The following GJB6 variants were observed in gnomAD, a reference collection of about 807,000 sequenced individuals.
GJB6 encodes gap junction beta-6 protein.
GJB6 carries 5 observed loss-of-function variants against 5.4 expected under a neutral mutation model. The observed-to-expected ratio is 0.92, with a 90% CI of 0.48 to 1.93. The LOEUF is 1.93. Among genes scored for constraint, GJB6 ranks in the 30% most tolerant of loss-of-function variants. The pLI is 0.01. For synonymous variants in GJB6, 136 were observed against 129.6 expected (o/e 1.05, Z -0.34); for missense variants, 298 against 326.9 (o/e 0.91, Z 0.68).
rs1196436746 is a variant in GJB6, at chr13:20,232,185, C to T, written c.-420+9G>A. The T allele has an allele frequency of 1.3e-5, 2 of 152,180 alleles. No homozygotes were observed. The highest frequency in any genetic ancestry group is 2.9e-5 in the Non-Finnish European group (2 of 67,992). 9.4% of individuals were successfully genotyped at this position (152,180 alleles called of 1,614,324 possible). A position where few individuals can be genotyped will look rare whatever the true frequency, so the allele number is the denominator to read the frequency against. On this transcript the variant is annotated intron_variant, in intron 1 of 4. Coordinates refer to ENST00000647029, the MANE Select transcript of GJB6 (RefSeq NM_001110219.3). ...CCCCGCAAGACCCAGCCGGTCCGCG[C>T]CCGCTTACCTGCTCTGCGGCCGGCG...
chr13:20,229,058 A>G (rs1869849809), intron 4 of GJB6, among the ~76,000 whole-genome samples: 1 of 140,534 alleles, frequency 7.1e-6, no homozygotes. Context: ...AAGCCCCCAA[A>G]GTTAGAGTGT....
chr13:20,230,509 G>A (rs1017645616), intron 3 of GJB6, among the ~76,000 whole-genome samples, 189 bp downstream of exon 3: 1 of 152,144 alleles, frequency 6.6e-6, no homozygotes, highest in East Asian at 1.9e-4. Flanking sequence ...AATAAAAATG[G>A]AGCAGGCCCT....
Position 20,222,682 on chromosome 13 carries a change from T to A in GJB6, c.*13A>T. The A allele has an allele frequency of 3.1e-6, 5 of 1,611,782 alleles. No homozygotes were observed. Among genetic ancestry groups the A allele is most frequent in the Non-Finnish European group, 4.2e-6 (5 of 1,177,784 alleles). On this transcript the variant is annotated 3_prime_UTR_variant, in exon 5 of 5. Coordinates refer to ENST00000647029, the MANE Select transcript of GJB6 (RefSeq NM_001110219.3). The stretch of plus-strand genomic sequence containing the variant: ...GTCTCCTTATGACGCAGCTACATTT[T>A]ACCTTGAAATGTTTAGCTTGGGAAA...
At chr13:20,228,606 C>CCCGAGTG (rs1869785937) in intron 4 of GJB6, among the ~76,000 whole-genome samples, 1 of 150,542 alleles carries the variant, frequency 6.6e-6, no homozygotes, top group African/African-American at 2.5e-5. Flanking sequence ...GCCTCAGCCT[C>CCCGAGTG]TCTGAGCAGC....
chr13:20,223,285 C>A lies in GJB6; in HGVS notation c.196G>T (p.Asp66Tyr). The stretch of plus-strand genomic sequence containing the variant: ...ATGTGGGACACCGGGAAAAAGTGGT[C>A]ATAGCACACATTTTTGCATCCCGGT... ...LQPGCKNVCYDHFFPVSHIRL... is the reference protein window; with the variant it reads ...LQPGCKNVCYYHFFPVSHIRL... The change falls in exon 5 of 5, where the codon GAC (aspartate) becomes TAC (tyrosine). Residue 66 changes from aspartate (D) to tyrosine (Y), a missense_variant. Asp to Tyr is a radical substitution (Grantham distance 160). Coordinates refer to ENST00000647029, the MANE Select transcript of GJB6 (RefSeq NM_001110219.3). The A allele has an allele frequency of 6.2e-7, 1 of 1,613,892 alleles. No homozygotes were observed. The highest frequency in any genetic ancestry group is 1.1e-5 in the South Asian group (1 of 91,064).
chr13:20,228,464 T>C (rs1245864979), intron 4 of GJB6, among the ~76,000 whole-genome samples: 3 of 141,542 alleles, frequency 2.1e-5, no homozygotes, highest in African/African-American at 7.7e-5. Flanking sequence ...TTCTTGTTTG[T>C]TTGTTTTTGT....
Position 20,223,013 on chromosome 13 carries a change from G to T in GJB6, c.468C>A (p.Phe156Leu). Residue 156 changes from phenylalanine (F) to leucine (L), a missense_variant, in exon 5 of 5, where the codon TTC (phenylalanine) becomes TTA (leucine). Transcript: ENST00000647029. Reference sequence around the variant, plus strand: ...AGGGCAGGTGGTACCCATTGTAAAGGAAGTAAAACACATACATAAAGGCTG... The same window carrying T: ...AGGGCAGGTGGTACCCATTGTAAAGTAAGTAAAACACATACATAAAGGCTG... Reference protein sequence around the residue: ...FEAAFMYVFYFLYNGYHLPWV... With the variant: ...FEAAFMYVFYLLYNGYHLPWV... 6.2e-7 allele frequency: 1 copy of T among 1,614,134 alleles called. No homozygotes were observed. Among genetic ancestry groups the T allele is most frequent in the Non-Finnish European group, 8.5e-7 (1 of 1,179,984 alleles).
At chr13:20,223,598 G>T in intron 4 of GJB6, 103 bp from the exon 5 acceptor site, 2 of 909,130 alleles carry the variant, frequency 2.2e-6, no homozygotes, top group Non-Finnish European at 3.6e-6. Flanking sequence ...AAGGTAGGCT[G>T]TGATACTTTA....
At chr13:20,228,289 C>A (rs1869734986) in intron 4 of GJB6, among the ~76,000 whole-genome samples, 1 of 152,186 alleles carries the variant, frequency 6.6e-6, no homozygotes, top group African/African-American at 2.4e-5. Flanking sequence ...CAGAGAGGTT[C>A]ATTTTAACTG....
chr13:20,223,929 A>G (rs1869404685), intron 4 of GJB6, among the ~76,000 whole-genome samples: 1 of 151,790 alleles, frequency 6.6e-6, no homozygotes, highest in South Asian at 2.1e-4. Context: ...AGATTGCACC[A>G]CTGCACCCCA....
intron 4 of GJB6, among the ~76,000 whole-genome samples, chr13:20,224,261 A>C (rs1869428008): frequency 6.6e-6 from 1 of 152,216 alleles, no homozygotes; most frequent in Admixed American, 6.5e-5. Context: ...TAGTTTACCC[A>C]ACAGACTAAG....
intron 4 of GJB6, among the ~76,000 whole-genome samples, chr13:20,228,686 GTGTTAGCCAGGA>G (rs57494661): frequency 0.54 from 80,733 of 149,044 alleles, 24,063 homozygotes; most frequent in East Asian, 0.91. Flanking sequence ...GGGTTTCACC[GTGTTAGCCAGGA>G]TGGTCTCGAT....
At chr13:20,230,141 T>C (rs1257213984) in intron 3 of GJB6, 1 of 152,208 alleles carries the variant, frequency 6.6e-6, no homozygotes, top group Admixed American at 6.5e-5. Flanking sequence ...TCTAGAAATC[T>C]CAGGTCATCC....
rs935459749 is a variant in GJB6 at position 20,232,232 on chromosome 13, G to C, written c.-458C>G. On this transcript the variant is annotated 5_prime_UTR_variant, in exon 1 of 5. Coordinates refer to ENST00000647029, the MANE Select transcript of GJB6 (RefSeq NM_001110219.3). ...GGCGGCCCTGGCGCGGGCTCTGCGC[G>C]GGGCGGCGCCCTTCGCTCCGGCTGG... 1.3e-5 allele frequency: 2 copies of C among 151,998 alleles called. No individual in the cohort carries two copies. The highest frequency in any genetic ancestry group is 2.9e-5 in the Non-Finnish European group (2 of 67,976). 9.4% of individuals were successfully genotyped at this position (151,998 alleles called of 1,614,324 possible).
rs1290234763 is a variant in GJB6, at chr13:20,221,986, G to A, written c.*709C>T. ...GTGAAGGCTTAAGCAATGGGGACGAGCTTTATTGAGGCAATCACATCCACA... is the reference window on the plus strand; with the variant it reads ...GTGAAGGCTTAAGCAATGGGGACGAACTTTATTGAGGCAATCACATCCACA... On this transcript the variant is annotated 3_prime_UTR_variant, in exon 5 of 5. Transcript: ENST00000647029. 1 of 152,536 alleles carries A rather than the reference G, an allele frequency of 6.6e-6. No homozygotes were observed. Among genetic ancestry groups the A allele is most frequent in the Non-Finnish European group, 1.5e-5 (1 of 68,120 alleles). The allele number at this position is 152,536 out of a possible 1,614,324, so 9.4% of individuals were successfully genotyped here.
intron 4 of GJB6, among the ~76,000 whole-genome samples, chr13:20,226,528 A>C (rs1166094483): frequency 6.6e-6 from 1 of 152,220 alleles, no homozygotes; most frequent in Non-Finnish European, 1.5e-5. Flanking sequence ...ATGCAGCTCC[A>C]TTTAAAAAGC....
In GJB6 at chr13:20,223,026, T is replaced by C; in HGVS notation, c.455A>G (p.Tyr152Cys). 1 of 1,614,162 alleles carries C rather than the reference T, an allele frequency of 6.2e-7. No individual in the cohort carries two copies. The highest frequency in any genetic ancestry group is 8.5e-7 in the Non-Finnish European group (1 of 1,180,006). Residue 152 changes from tyrosine (Y) to cysteine (C), a missense_variant, in exon 5 of 5, where the codon TAT (tyrosine) becomes TGT (cysteine). By Grantham distance (194) the Tyr-to-Cys change is radical. Transcript: ENST00000647029. ...CCCATTGTAAAGGAAGTAAAACACA[T>C]ACATAAAGGCTGCTTCAAAGATGAT... Reference protein sequence around the residue: ...FRIIFEAAFMYVFYFLYNGYH... With the variant: ...FRIIFEAAFMCVFYFLYNGYH...
Position 20,223,076 on chromosome 13 carries a change from C to T in GJB6, c.405G>A (p.Thr135=), listed in dbSNP as rs145438428. 378 of 1,613,688 alleles carry T rather than the reference C, an allele frequency of 2.3e-4. No homozygotes were observed. The highest frequency in any genetic ancestry group is 1.5e-3 in the African/African-American group (112 of 75,038). ...TTCGGAAAAAGATGCTGCTGGTGTA[C>T]GTCCACCACAGCGACCCCTCTATCC... ...KVRIEGSLWW[T]YTSSIFFRII... The change falls in exon 5 of 5, where the codon ACG becomes ACA. Residue 135 remains threonine, a synonymous_variant. Transcript: ENST00000647029.
intron 4 of GJB6, among the ~76,000 whole-genome samples, chr13:20,228,506 T>G (rs573507443): frequency 6.6e-6 from 1 of 151,182 alleles, no homozygotes; most frequent in Non-Finnish European, 1.5e-5. Context: ...TTTTTTGAGA[T>G]GGAGTCTAGC....
Sources: gnomAD v4.1 joint callset for allele counts (sites outside exome capture counted in the v4.1 genomes callset) on GRCh38, gnomAD v4.1.1 for gene constraint, MANE v1.5 for transcripts, NCBI Gene and HGNC (gene_info 2026-07-23, HGNC 2026-07-21) for gene names.